The following TEX11 variants were observed in gnomAD, a reference collection of about 807,000 sequenced individuals.
TEX11 encodes the protein testis expressed 11, also known as testis-expressed protein 11.
TEX11 carries 7 observed loss-of-function variants against 84.4 expected under a neutral mutation model. That is an observed-to-expected ratio of 0.08 (90% CI 0.05 to 0.16). TEX11 has a LOEUF of 0.16. Among genes scored for constraint, TEX11 ranks in the 10% least tolerant of loss-of-function variants. The pLI, the probability that TEX11 is intolerant of heterozygous loss-of-function variation, is 1.00. For synonymous variants in TEX11, 264 were observed against 222.8 expected, an observed-to-expected ratio of 1.18 and a Z score of -1.64; for missense variants, 551 against 660.5, an observed-to-expected ratio of 0.83 and a Z score of 1.82.
intron 8 of TEX11, among the ~76,000 whole-genome samples, chrX:70,825,971 C>A (rs2147826030): frequency 9.3e-6 from 1 of 107,719 alleles, no homozygotes; most frequent in Non-Finnish European, 1.9e-5. Context: ...AAGAGTGAGA[C>A]TCAGTCTCAG....
At chrX:70,710,726 T>C (rs938394213) in intron 13 of TEX11, among the ~76,000 whole-genome samples, 2 of 110,887 alleles carry the variant, frequency 1.8e-5, no homozygotes, top group African/African-American at 6.5e-5. Context: ...GCCAATCATA[T>C]ACACATTAAA....
chrX:70,805,971 T>C (rs990807821), intron 9 of TEX11, among the ~76,000 whole-genome samples: 1 of 111,823 alleles, frequency 8.9e-6, no homozygotes, highest in African/African-American at 3.2e-5. Context: ...CTTACTTGAC[T>C]GATATTAAAA....
chrX:70,544,125 G>A (rs1279812752), intron 28 of TEX11, among the ~76,000 whole-genome samples: 1 of 112,089 alleles, frequency 8.9e-6, no homozygotes, highest in Admixed American at 9.4e-5. Context: ...GAACATGAAG[G>A]TGTAGGACAT....
chrX:70,781,141 G>T (rs936904989), intron 9 of TEX11, among the ~76,000 whole-genome samples: 19 of 111,982 alleles, frequency 1.7e-4, no homozygotes, highest in African/African-American at 6.2e-4. Context: ...TTGCTATTCT[G>T]CAGCCTCCGC....
intron 28 of TEX11, among the ~76,000 whole-genome samples, chrX:70,532,987 A>G (rs1162411271): frequency 1.8e-5 from 2 of 111,196 alleles, no homozygotes; most frequent in Non-Finnish European, 3.8e-5. Flanking sequence ...GAAGTGAGCC[A>G]AGATCGCACC....
chrX:70,658,715 C>T (rs2089897101), intron 16 of TEX11, among the ~76,000 whole-genome samples: 1 of 110,686 alleles, frequency 9.0e-6, no homozygotes, highest in Admixed American at 9.6e-5. Context: ...AATGTAATCC[C>T]TATGACAATT....
At chrX:70,812,268 A>T (rs1480123908) in intron 8 of TEX11, among the ~76,000 whole-genome samples, 5 of 108,635 alleles carry the variant, frequency 4.6e-5, no homozygotes, top group Non-Finnish European at 7.6e-5. Flanking sequence ...ACAGTGGCGC[A>T]CGATCTCCGC....
chrX:70,865,804 G>A (rs1232772176), intron 4 of TEX11, among the ~76,000 whole-genome samples: 3 of 111,718 alleles, frequency 2.7e-5, no homozygotes, highest in Admixed American at 1.9e-4. Context: ...GGTAAATAAC[G>A]AAATTAAGGC....
chrX:70,619,836 C>T (rs183993494), intron 20 of TEX11, among the ~76,000 whole-genome samples: 197 of 103,634 alleles, frequency 1.9e-3, no homozygotes, highest in African/African-American at 5.2e-3. Context: ...TTTTTTGAGA[C>T]GGAGTCTCAC....
At chrX:70,754,282 A>G (rs2090851408) in intron 9 of TEX11, among the ~76,000 whole-genome samples, 1 of 111,109 alleles carries the variant, frequency 9.0e-6, no homozygotes, top group Non-Finnish European at 1.9e-5. Context: ...GGCCTTAAGG[A>G]AACAGTGGTC....
rs1390635635 is a variant in TEX11 at position 70,552,187 on chromosome X, A to G, written c.2459T>C (p.Leu820Pro). 1 of 1,211,543 alleles carries G rather than the reference A, an allele frequency of 8.3e-7. No individual in the cohort carries two copies. The highest frequency in any genetic ancestry group is 2.2e-5 in the Admixed American group (1 of 45,995). ...SVPDGASNVE[L>P]CPLEEVWGYF... The stretch of plus-strand genomic sequence containing the variant: ...GCCCCAAACTTCTTCCAGGGGACAG[A>G]GCTCTACATTCGACGCCCCATCTGG... Residue 820 changes from leucine to proline, a missense_variant, in exon 28 of 30, where the codon CTC (leucine) becomes CCC (proline). Coordinates refer to ENST00000374333, the MANE Select transcript of TEX11 (RefSeq NM_031276.3).
chrX:70,567,143 G>A (rs1235128131), intron 25 of TEX11, among the ~76,000 whole-genome samples: 2 of 111,196 alleles, frequency 1.8e-5, no homozygotes, highest in Non-Finnish European at 3.8e-5. Context: ...GAGGGTGTAT[G>A]TGTCGAGGAA....
intron 20 of TEX11, 54 bp from the exon 21 acceptor site, chrX:70,610,597 CAT>C: frequency 2.7e-6 from 3 of 1,118,482 alleles, no homozygotes; most frequent in Non-Finnish European, 3.6e-6. Flanking sequence ...TACTATAAAA[CAT>C]AACTAAAAAG....
At chrX:70,525,946 C>T (rs890818795), downstream of TEX11, among the ~76,000 whole-genome samples, 4 of 111,421 alleles carry the variant, frequency 3.6e-5, no homozygotes, top group African/African-American at 6.5e-5. Context: ...TCTTTCCCTT[C>T]TCCTCGGCGC....
intron 24 of TEX11, among the ~76,000 whole-genome samples, chrX:70,594,525 T>C (rs770703014): frequency 9.0e-6 from 1 of 111,268 alleles, no homozygotes; most frequent in South Asian, 3.8e-4. Flanking sequence ...TATATTTGTA[T>C]TGTTGGGCCT....
At chrX:70,689,158 G>A (rs1340367854) in intron 13 of TEX11, among the ~76,000 whole-genome samples, 2 of 111,002 alleles carry the variant, frequency 1.8e-5, no homozygotes, top group Non-Finnish European at 3.8e-5. Flanking sequence ...AGATAAGCAA[G>A]GGTAATCTGC....
At chrX:70,563,568 A>T (rs755406832) in intron 25 of TEX11, among the ~76,000 whole-genome samples, 1 of 111,948 alleles carries the variant, frequency 8.9e-6, no homozygotes, top group African/African-American at 3.2e-5. Flanking sequence ...ATTGAATGGA[A>T]GTGGTGATAG....
At chrX:70,893,745 T>C (rs1459489619) in intron 2 of TEX11, among the ~76,000 whole-genome samples, 1 of 110,878 alleles carries the variant, frequency 9.0e-6, no homozygotes, top group Non-Finnish European at 1.9e-5. Context: ...CTGAAGGAGA[T>C]AGAGACACAA....
chrX:70,530,713 T>C (rs2087876038), intron 28 of TEX11, among the ~76,000 whole-genome samples: 1 of 112,033 alleles, frequency 8.9e-6, no homozygotes, highest in Admixed American at 9.5e-5. Context: ...TTTGAGAGTG[T>C]CAAGAATGCT....
Sources: allele counts gnomAD v4.1 joint callset (sites outside exome capture counted in the v4.1 genomes callset), GRCh38; gene constraint gnomAD v4.1.1; transcripts MANE v1.5; gene names NCBI Gene and HGNC (gene_info 2026-07-23, HGNC 2026-07-21).